The following ARMH3 variants were observed in gnomAD, a reference collection of about 807,000 sequenced individuals.
ARMH3 encodes the protein armadillo like helical domain containing 3, also known as armadillo-like helical domain-containing protein 3.
A neutral mutation model predicts 99.1 loss-of-function variants in ARMH3; 60 were observed. That is an observed-to-expected ratio of 0.61 (90% CI 0.49 to 0.75). The LOEUF is 0.75. Among genes scored for constraint, ARMH3 ranks in the 30% least tolerant of loss-of-function variants. The pLI is 0.00. For missense variants in ARMH3, 679 were observed against 843.1 expected, an observed-to-expected ratio of 0.81 and a Z score of 2.41; for synonymous variants, 285 against 292.8, an observed-to-expected ratio of 0.97 and a Z score of 0.27.
At chr10:101,879,818 T>C (rs1283008387) in intron 24 of ARMH3, among the ~76,000 whole-genome samples, 3 of 152,144 alleles carry the variant, frequency 2.0e-5, no homozygotes, top group Admixed American at 6.5e-5. Context: ...GGGAAGACAG[T>C]GGTCATCCTA....
At chr10:102,019,756 T>C (rs1165611182) in intron 8 of ARMH3, among the ~76,000 whole-genome samples, 1 of 151,198 alleles carries the variant, frequency 6.6e-6, no homozygotes, top group Non-Finnish European at 1.5e-5. Context: ...TGAAACCCCG[T>C]CTCTACTAAA....
intron 22 of ARMH3, among the ~76,000 whole-genome samples, chr10:101,947,198 A>C (rs900729571): frequency 6.6e-6 from 1 of 152,132 alleles, no homozygotes; most frequent in Non-Finnish European, 1.5e-5. Flanking sequence ...AAAATAAAAA[A>C]AAAGAAGCTA....
intron 23 of ARMH3, among the ~76,000 whole-genome samples, chr10:101,934,507 T>C (rs1843866493): frequency 6.6e-6 from 1 of 152,198 alleles, no homozygotes; most frequent in Non-Finnish European, 1.5e-5. Flanking sequence ...AAATACTGAA[T>C]GTCAGCTTAA....
chr10:101,969,845 T>G (rs971937736), intron 20 of ARMH3, among the ~76,000 whole-genome samples: 1 of 152,198 alleles, frequency 6.6e-6, no homozygotes, highest in Admixed American at 6.5e-5. Flanking sequence ...TCTGGTTCCA[T>G]GATCCTTAGC....
At chr10:101,891,173 G>A (rs1034991561) in intron 23 of ARMH3, among the ~76,000 whole-genome samples, 2 of 150,754 alleles carry the variant, frequency 1.3e-5, no homozygotes, top group Admixed American at 6.6e-5. Context: ...TGCTCCTGAC[G>A]CTGACTGGTA....
intron 23 of ARMH3, among the ~76,000 whole-genome samples, chr10:101,917,478 C>G (rs1843134067): frequency 1.3e-5 from 2 of 152,062 alleles, no homozygotes; most frequent in South Asian, 4.1e-4. Context: ...ATAGATGTAC[C>G]ATAGTTTATC....
intron 1 of ARMH3, among the ~76,000 whole-genome samples, chr10:102,050,398 A>C (rs2067670600): frequency 6.6e-6 from 1 of 152,090 alleles, no homozygotes; most frequent in South Asian, 2.1e-4. Context: ...CAGTAAGCCG[A>C]GATCGCGCCA....
intron 24 of ARMH3, among the ~76,000 whole-genome samples, chr10:101,868,532 G>C (rs986469749): frequency 7.9e-5 from 12 of 151,944 alleles, no homozygotes; most frequent in Non-Finnish European, 1.8e-4. Context: ...CACCTCTTCT[G>C]CCTCTGCCAT....
intron 23 of ARMH3, among the ~76,000 whole-genome samples, chr10:101,939,368 T>G (rs1414215608): frequency 1.3e-5 from 2 of 152,162 alleles, no homozygotes; most frequent in Admixed American, 1.3e-4. Flanking sequence ...TGACACAACT[T>G]TATGCAATAC....
At chr10:101,896,267 T>C (rs2067832870) in intron 23 of ARMH3, among the ~76,000 whole-genome samples, 1 of 151,558 alleles carries the variant, frequency 6.6e-6, no homozygotes. Context: ...AACAAAACAA[T>C]AACAAGTGTT....
chr10:101,958,238 G>A (rs1845129739), intron 20 of ARMH3, among the ~76,000 whole-genome samples: 1 of 151,902 alleles, frequency 6.6e-6, no homozygotes, highest in Non-Finnish European at 1.5e-5. Context: ...CTCTAGATGA[G>A]GAGAGCTCAT....
At chr10:101,851,919 C>CA (rs1188110876) in intron 24 of ARMH3, among the ~76,000 whole-genome samples, 1 of 152,178 alleles carries the variant, frequency 6.6e-6, no homozygotes, top group Non-Finnish European at 1.5e-5. Flanking sequence ...AGCAGTCACC[C>CA]ACAAAGTAAT....
intron 23 of ARMH3, among the ~76,000 whole-genome samples, chr10:101,921,017 G>A (rs1215135205): frequency 6.6e-6 from 1 of 152,152 alleles, no homozygotes; most frequent in South Asian, 2.1e-4. Context: ...TGTTTAATCA[G>A]TACAATTTCA....
chr10:102,007,072 A>G (rs2066509551), intron 13 of ARMH3, among the ~76,000 whole-genome samples: 1 of 146,928 alleles, frequency 6.8e-6, no homozygotes, highest in South Asian at 2.2e-4. Flanking sequence ...GAGGCAGGAG[A>G]ATCACTTGAA....
At chr10:101,987,672 C>A (rs902727679) in intron 19 of ARMH3, among the ~76,000 whole-genome samples, 1 of 152,162 alleles carries the variant, frequency 6.6e-6, no homozygotes, top group African/African-American at 2.4e-5. Context: ...TGGCTTCCAT[C>A]CTGGGCTCTC....
intron 1 of ARMH3, among the ~76,000 whole-genome samples, chr10:102,044,852 C>T (rs1238033158): frequency 6.6e-6 from 1 of 151,954 alleles, no homozygotes; most frequent in Non-Finnish European, 1.5e-5. Flanking sequence ...AGTAAATGTG[C>T]ACACCAGGCG....
At chr10:101,914,160 AT>A (rs1842980813) in intron 23 of ARMH3, among the ~76,000 whole-genome samples, 1 of 152,110 alleles carries the variant, frequency 6.6e-6, no homozygotes, top group African/African-American at 2.4e-5. Context: ...TAGTCAGTAA[AT>A]TGGGCTGAAG....
chr10:102,020,202 T>G (rs991620249), intron 8 of ARMH3, among the ~76,000 whole-genome samples: 2 of 151,884 alleles, frequency 1.3e-5, no homozygotes, highest in African/African-American at 4.8e-5. Context: ...AAGAAAAAAT[T>G]TAATAAATTT....
intron 24 of ARMH3, 91 bp downstream of exon 24, chr10:101,889,321 G>T: frequency 7.8e-7 from 1 of 1,279,634 alleles, no homozygotes; most frequent in Non-Finnish European, 1.1e-6. Flanking sequence ...TACCACAAAA[G>T]CTCAGTCACA....
Sources: gnomAD v4.1 joint callset for allele counts (sites outside exome capture counted in the v4.1 genomes callset) on GRCh38, gnomAD v4.1.1 for gene constraint, MANE v1.5 for transcripts, NCBI Gene and HGNC (gene_info 2026-07-23, HGNC 2026-07-21) for gene names.